Variants in MCPH1 observed in about 807,000 individuals in gnomAD.
MCPH1 encodes microcephalin 1, also known as microcephalin.
In MCPH1, 104 loss-of-function variants were observed where a neutral mutation model predicts 84.5. The ratio of observed to expected loss-of-function variants is 1.23; its 90% CI spans 1.05 to 1.45. MCPH1 has a LOEUF of 1.45. Ranked by LOEUF, MCPH1 falls within the 40% of genes most tolerant of loss-of-function variation. The pLI, the probability that MCPH1 is intolerant of heterozygous loss-of-function variation, is 0.00. For synonymous variants in MCPH1, 514 were observed against 366.8 expected, an observed-to-expected ratio of 1.40 and a Z score of -4.58; for missense variants, 1,498 against 1,005.7, an observed-to-expected ratio of 1.49 and a Z score of -6.62.
chr8:6,532,607 T>C, intron 12 of MCPH1: 1 of 717,430 alleles, frequency 1.4e-6, no homozygotes, highest in Non-Finnish European at 2.0e-6. Context: ...TCAAAAGACT[T>C]GTACCTTGCC....
chr8:6,448,545 T>C (rs1804698170), intron 8 of MCPH1, among the ~76,000 whole-genome samples: 2 of 152,242 alleles, frequency 1.3e-5, no homozygotes, highest in South Asian at 4.1e-4. Context: ...CCATGGTCAC[T>C]GAAGAACAGA....
chr8:6,445,851 T>C (rs2129555831), intron 8 of MCPH1: 2 of 1,099,920 alleles, frequency 1.8e-6, no homozygotes, highest in African/African-American at 3.3e-5. Flanking sequence ...GTGAAGTCTT[T>C]TTCCTTATTC....
intron 12 of MCPH1, among the ~76,000 whole-genome samples, chr8:6,592,641 T>TTTTTG (rs1238168977): frequency 2.5e-4 from 27 of 107,470 alleles, no homozygotes; most frequent in Admixed American, 4.3e-4. Flanking sequence ...TTTTTTTTTT[T>TTTTTG]TTGTTGCTGT....
rs575405694 is a variant in MCPH1 at position 6,520,314 on chromosome 8, A to T, written c.2214+20385A>T. On this transcript the variant is annotated intron_variant, in intron 12 of 13. Coordinates refer to ENST00000344683, the MANE Select transcript of MCPH1 (RefSeq NM_024596.5). ...ATAAATTAAATTATTACTTTTGAAG[A>T]TCTTTCATCTTGAGCAGAATAGGGT... 3.3e-5 allele frequency among the ~76,000 whole-genome samples: 5 copies of T among 152,334 alleles called. No homozygotes were observed. The East Asian group carries it at 7.7e-4, about 23-fold the overall frequency.
In MCPH1 at chr8:6,444,560, T is replaced by G. The variant is rs756218178; in HGVS notation, c.838T>G (p.Phe280Val). ...AAATAATATTCATTCATCACCATCT[T>G]TCACTCACCTCGATAAATCAAGTCC... ...KANNIHSSPS[F>V]THLDKSSPQK... The change falls in exon 8 of 14, where the codon TTC (phenylalanine) becomes GTC (valine). Residue 280 changes from phenylalanine to valine, a missense_variant. Transcript: ENST00000344683. 1.1e-5 allele frequency: 18 copies of G among 1,614,054 alleles called. No individual in the cohort carries two copies. Among genetic ancestry groups the G allele is most frequent in the Admixed American group, 1.7e-5 (1 of 60,008 alleles).
chr8:6,481,387 A>T (rs1347480610), intron 11 of MCPH1, among the ~76,000 whole-genome samples: 1 of 152,224 alleles, frequency 6.6e-6, no homozygotes, highest in Non-Finnish European at 1.5e-5. Context: ...TAGATTAAAG[A>T]TAGCTTTTAA....
intron 12 of MCPH1, among the ~76,000 whole-genome samples, chr8:6,595,121 A>G (rs1012399167): frequency 1.3e-5 from 2 of 152,204 alleles, no homozygotes; most frequent in Admixed American, 6.5e-5. Context: ...CTCCCCTATC[A>G]GTAAAACAGA....
intron 13 of MCPH1, among the ~76,000 whole-genome samples, chr8:6,623,016 T>TC (rs202246538): frequency 0.053 from 7,346 of 139,592 alleles, 346 homozygotes; most frequent in East Asian, 0.23. Flanking sequence ...TTACTTTCTT[T>TC]TTTTTTTTTT....
chr8:6,604,350 G>T (rs1334678475), intron 12 of MCPH1, among the ~76,000 whole-genome samples: 7 of 152,186 alleles, frequency 4.6e-5, no homozygotes, highest in African/African-American at 1.4e-4. Context: ...TAGAAACTAG[G>T]TGATTCAGAT....
chr8:6,424,784 G>A (rs980178099), intron 3 of MCPH1, among the ~76,000 whole-genome samples: 7 of 152,158 alleles, frequency 4.6e-5, no homozygotes, highest in African/African-American at 9.7e-5. Flanking sequence ...ACAGAAGTTC[G>A]CTCTCTGCTG....
chr8:6,408,680 C>T (rs1798093045), intron 1 of MCPH1, among the ~76,000 whole-genome samples: 1 of 151,830 alleles, frequency 6.6e-6, no homozygotes, highest in Non-Finnish European at 1.5e-5. Context: ...CCCCATTTCC[C>T]ACCCAGTAGC....
At chr8:6,450,835 T>G (rs1805003974) in intron 8 of MCPH1, among the ~76,000 whole-genome samples, 2 of 152,050 alleles carry the variant, frequency 1.3e-5, no homozygotes, top group South Asian at 4.1e-4. Context: ...CTCAACTTAC[T>G]GGGCTCAAGT....
chr8:6,515,719 G>C (rs1190237226), intron 12 of MCPH1, among the ~76,000 whole-genome samples: 2 of 152,162 alleles, frequency 1.3e-5, no homozygotes, highest in Non-Finnish European at 2.9e-5. Context: ...CCACATACAA[G>C]GTAGGAAATA....
At chr8:6,408,267 TGCCCAGGCTGGA>T (rs1798022560) in intron 1 of MCPH1, among the ~76,000 whole-genome samples, 2 of 152,254 alleles carry the variant, frequency 1.3e-5, no homozygotes, top group South Asian at 4.1e-4. Context: ...CTTACTCTCT[TGCCCAGGCTGGA>T]GCGCAGTGAT....
At chr8:6,500,307 A>G (rs771768842) in intron 12 of MCPH1, 25 of 187,096 alleles carry the variant, frequency 1.3e-4, no homozygotes, top group Non-Finnish European at 2.3e-4. Context: ...GTGCTGTGAT[A>G]ACAGTATTTA....
At chr8:6,579,187 C>A (rs62496900) in intron 12 of MCPH1, among the ~76,000 whole-genome samples, 30,657 of 152,176 alleles carry the variant, frequency 0.2, 3,168 homozygotes, top group South Asian at 0.32. Context: ...TAGCCTCTAG[C>A]CCTCTTCATC....
intron 12 of MCPH1, chr8:6,508,847 C>G (rs1297704870): frequency 8.9e-6 from 14 of 1,564,848 alleles, no homozygotes; most frequent in Non-Finnish European, 1.2e-5. Flanking sequence ...TTACAAATCA[C>G]AATTTGTAGT....
chr8:6,499,752 G>T, intron 11 of MCPH1, 100 bp from the exon 12 acceptor site: 2 of 944,482 alleles, frequency 2.1e-6, no homozygotes, highest in Admixed American at 3.4e-5. Flanking sequence ...CAGATCTGCG[G>T]AGTGTATCAC....
intron 3 of MCPH1, among the ~76,000 whole-genome samples, chr8:6,418,646 G>A (rs1019053028): frequency 3.3e-5 from 5 of 151,974 alleles, no homozygotes; most frequent in Non-Finnish European, 7.4e-5. Flanking sequence ...GCAGTGGCGC[G>A]ATCTGTGCTC....
Sources: gnomAD v4.1 joint callset for allele counts (sites outside exome capture counted in the v4.1 genomes callset) on GRCh38, gnomAD v4.1.1 for gene constraint, MANE v1.5 for transcripts, NCBI Gene and HGNC (gene_info 2026-07-23, HGNC 2026-07-21) for gene names.